Variants in ATP10D observed in about 807,000 individuals in gnomAD.
ATP10D encodes ATPase phospholipid transporting 10D (putative).
A neutral mutation model predicts 144.8 loss-of-function variants in ATP10D; 89 were observed. The ratio of observed to expected loss-of-function variants is 0.61; its 90% CI spans 0.52 to 0.73. The LOEUF (loss-of-function observed/expected upper bound fraction) is 0.73, where lower values mean the gene tolerates loss of function less well. ATP10D is among the 30% of genes least tolerant of loss of function. The probability of loss-of-function intolerance (pLI) is 0.00; values close to 1 mark genes in which losing one functional copy is unlikely to be tolerated. For missense variants in ATP10D, 1,603 were observed against 1,714.8 expected, an observed-to-expected ratio of 0.93 and a Z score of 1.15; for synonymous variants, 571 against 615.1, an observed-to-expected ratio of 0.93 and a Z score of 1.06.
intron 15 of ATP10D, among the ~76,000 whole-genome samples, chr4:47,565,207 G>A (rs919390263): frequency 2.6e-5 from 4 of 152,166 alleles, no homozygotes; most frequent in African/African-American, 9.6e-5. Flanking sequence ...TGATCCGCCC[G>A]CCTCGGCCTC....
intron 19 of ATP10D, 63 bp downstream of exon 19, chr4:47,577,036 CTTAG>C (rs2109470212): frequency 6.8e-7 from 1 of 1,466,980 alleles, no homozygotes; most frequent in South Asian, 1.2e-5. Context: ...AGTGTGTTTT[CTTAG>C]TTAGCAAAAT....
intron 7 of ATP10D, 125 bp downstream of exon 7, chr4:47,536,158 T>C: frequency 8.5e-7 from 1 of 1,171,508 alleles, no homozygotes; most frequent in Non-Finnish European, 1.2e-6. Flanking sequence ...TTTTACCTCA[T>C]ATCCTTGTCT....
At chr4:47,487,081 T>A (rs1041238140) in intron 1 of ATP10D, among the ~76,000 whole-genome samples, 2 of 151,810 alleles carry the variant, frequency 1.3e-5, no homozygotes, top group African/African-American at 4.8e-5. Flanking sequence ...AATACAAAAT[T>A]GGCTGGGCGT....
chr4:47,563,021 G>A (rs886117157), intron 14 of ATP10D, among the ~76,000 whole-genome samples: 19 of 152,228 alleles, frequency 1.2e-4, no homozygotes, highest in Non-Finnish European at 2.4e-4. Flanking sequence ...TAAATAACAT[G>A]TACACATGGA....
intron 1 of ATP10D, among the ~76,000 whole-genome samples, chr4:47,503,896 T>TA (rs1265809005): frequency 6.7e-5 from 10 of 150,334 alleles, no homozygotes; most frequent in Admixed American, 6.6e-5. Context: ...AAGACCTGTC[T>TA]AAAAAAAAAT....
intron 1 of ATP10D, among the ~76,000 whole-genome samples, chr4:47,501,986 A>T (rs1412952134): frequency 6.6e-6 from 1 of 152,206 alleles, no homozygotes. Context: ...ATATATGTTT[A>T]TGCTTTTTTC....
At chr4:47,519,343 A>T (rs1051813417) in intron 3 of ATP10D, among the ~76,000 whole-genome samples, 6 of 152,134 alleles carry the variant, frequency 3.9e-5, no homozygotes, top group Admixed American at 2.6e-4. Flanking sequence ...AACTTATAAG[A>T]AACAAAATGG....
chr4:47,575,511 G>A (rs1720181072), intron 18 of ATP10D, among the ~76,000 whole-genome samples: 1 of 152,122 alleles, frequency 6.6e-6, no homozygotes, highest in African/African-American at 2.4e-5. Flanking sequence ...TGACCACTCT[G>A]CTGGCACCAT....
chr4:47,490,795 G>A (rs1412078129), intron 1 of ATP10D, among the ~76,000 whole-genome samples: 1 of 152,192 alleles, frequency 6.6e-6, no homozygotes, highest in East Asian at 1.9e-4. Flanking sequence ...GATGCCTTAG[G>A]AAGTCTCTAA....
At chr4:47,567,645 C>T (rs1433699791) in intron 15 of ATP10D, among the ~76,000 whole-genome samples, 1 of 152,146 alleles carries the variant, frequency 6.6e-6, no homozygotes, top group Non-Finnish European at 1.5e-5. Flanking sequence ...ATAATTTTTA[C>T]TATGATGTAA....
chr4:47,495,265 A>G (rs372260381), intron 1 of ATP10D, among the ~76,000 whole-genome samples: 1 of 152,028 alleles, frequency 6.6e-6, no homozygotes, highest in East Asian at 1.9e-4. Context: ...GTGACCATTC[A>G]TTTTCAGTAT....
intron 3 of ATP10D, 80 bp downstream of exon 3, chr4:47,515,750 G>C: frequency 8.7e-7 from 1 of 1,153,914 alleles, no homozygotes; most frequent in African/African-American, 1.6e-5. Context: ...TTCTCCTTAG[G>C]TGTGACCAGG....
intron 16 of ATP10D, among the ~76,000 whole-genome samples, chr4:47,571,883 T>C (rs1719971501): frequency 6.6e-6 from 1 of 151,826 alleles, no homozygotes; most frequent in African/African-American, 2.4e-5. Flanking sequence ...ATCTGGAGAG[T>C]TGAAAGTAGC....
rs1200193047 is a variant in ATP10D at position 47,554,898 on chromosome 4, A to G, written c.1808A>G (p.Asn603Ser). The change falls in exon 11 of 23, where the codon AAC becomes AGC. Residue 603 changes from asparagine (N) to serine (S), a missense_variant. By Grantham distance (46) the Asn-to-Ser change is conservative. Transcript: ENST00000273859. The stretch of plus-strand genomic sequence containing the variant: ...AACACAGTAGTGGTTTCTGCTCCTA[A>G]CCAACCCCGACAAAAGGTGAGTAAG... ...ICNTVVVSAP[N>S]QPRQKIRHPS... 4 of 1,613,652 alleles carry G rather than the reference A, an allele frequency of 2.5e-6. No individual in the cohort carries two copies. The highest frequency in any genetic ancestry group is 1.7e-5 in the Admixed American group (1 of 59,928).
chr4:47,487,829 G>A (rs990605540), intron 1 of ATP10D, among the ~76,000 whole-genome samples: 2 of 152,032 alleles, frequency 1.3e-5, no homozygotes, highest in African/African-American at 2.4e-5. Context: ...AGGCAATTAC[G>A]TGGTATTATG....
At chr4:47,531,330 T>A (rs1342685831) in intron 5 of ATP10D, among the ~76,000 whole-genome samples, 1 of 152,168 alleles carries the variant, frequency 6.6e-6, no homozygotes, top group African/African-American at 2.4e-5. Context: ...GAATTAAATC[T>A]TCAAGAATGA....
intron 19 of ATP10D, among the ~76,000 whole-genome samples, chr4:47,577,533 A>G (rs1720296870): frequency 7.1e-6 from 1 of 141,124 alleles, no homozygotes; most frequent in Non-Finnish European, 1.6e-5. Flanking sequence ...GGATTAAGGA[A>G]GATAATACGG....
In ATP10D at chr4:47,512,769, C is replaced by T. The variant is rs766319846; in HGVS notation, c.229C>T (p.Arg77Ter). The change falls in exon 2 of 23, where the codon CGA becomes TGA. Residue 77 changes from arginine to a stop codon, truncating the protein, a stop_gained. Transcript: ENST00000273859. LOFTEE classifies it high-confidence loss of function. ...CGGAGCCTATGTGAACAATCGAATA[C>T]GAACAACAAAGTACACACTTCTGAA... Reference protein sequence around the residue: ...FSGAYVNNRIRTTKYTLLNFV... With the variant: ...FSGAYVNNRI 44 of 1,613,698 alleles carry T rather than the reference C, an allele frequency of 2.7e-5. No individual in the cohort carries two copies. Among genetic ancestry groups the T allele is most frequent in the African/African-American group, 6.7e-5 (5 of 74,908 alleles).
intron 19 of ATP10D, among the ~76,000 whole-genome samples, chr4:47,578,114 C>A (rs1720328490): frequency 2.0e-5 from 3 of 152,108 alleles, no homozygotes; most frequent in South Asian, 4.1e-4. Context: ...GTGAGCTGGC[C>A]AGTTATATAA....
Sources: allele counts gnomAD v4.1 joint callset (sites outside exome capture counted in the v4.1 genomes callset), GRCh38; gene constraint gnomAD v4.1.1; transcripts MANE v1.5; gene names NCBI Gene and HGNC (gene_info 2026-07-23, HGNC 2026-07-21).